The following TP63 variants were observed in gnomAD, a reference collection of about 807,000 sequenced individuals.
TP63 encodes tumor protein 63.
Under a neutral mutation model 82.8 loss-of-function variants are expected in TP63, and 17 were observed. The ratio of observed to expected loss-of-function variants is 0.21; its 90% CI spans 0.14 to 0.31. The LOEUF (loss-of-function observed/expected upper bound fraction) is 0.31. Ranked by LOEUF, TP63 falls within the 10% of genes least tolerant of loss-of-function variation. The probability of loss-of-function intolerance (pLI) is 1.00; values close to 1 mark genes in which losing one functional copy is unlikely to be tolerated. For missense variants in TP63, 648 were observed against 895.3 expected (o/e 0.72, Z 3.52); for synonymous variants, 330 against 321.7 (o/e 1.03, Z -0.28).
intron 2 of TP63, 139 bp downstream of exon 2, chr3:189,738,007 C>A: frequency 9.8e-7 from 1 of 1,018,250 alleles, no homozygotes. Flanking sequence ...CCAATGCCAT[C>A]TCTTTGTTCA....
At chr3:189,607,844 A>T in the TP63 span, among the ~76,000 whole-genome samples, 1 of 152,160 alleles carries the variant, frequency 6.6e-6, no homozygotes, top group Non-Finnish European at 1.5e-5. Flanking sequence ...TGAGCACAAA[A>T]TATTTTTGAA....
chr3:189,603,515 A>G, the TP63 span, among the ~76,000 whole-genome samples: 25 of 151,938 alleles, frequency 1.6e-4, no homozygotes, highest in African/African-American at 5.8e-4. Flanking sequence ...ATTTTGTTTT[A>G]TCACAGGAGT....
At chr3:189,732,773 G>A (rs1577320257) in intron 1 of TP63, among the ~76,000 whole-genome samples, 1 of 151,876 alleles carries the variant, frequency 6.6e-6, no homozygotes, top group African/African-American at 2.4e-5. Flanking sequence ...TATCCTCAAG[G>A]AGCTGTAAAA....
At chr3:189,753,780 T>G (rs1430720808) in intron 3 of TP63, among the ~76,000 whole-genome samples, 1 of 152,130 alleles carries the variant, frequency 6.6e-6, no homozygotes, top group African/African-American at 2.4e-5. Flanking sequence ...TTAACCTATT[T>G]TTAGTATTCA....
chr3:189,691,822 T>C (rs993542252), intron 1 of TP63, among the ~76,000 whole-genome samples: 2 of 152,106 alleles, frequency 1.3e-5, no homozygotes, highest in African/African-American at 2.4e-5. Flanking sequence ...TTATTTACTA[T>C]AGAAATAGGC....
chr3:189,618,847 A>G, the TP63 span, among the ~76,000 whole-genome samples: 3,573 of 152,140 alleles, frequency 0.023, 147 homozygotes, highest in African/African-American at 0.082. Context: ...TTTATTTCTT[A>G]TCTACCGTCT....
intron 6 of TP63, 93 bp downstream of exon 6, chr3:189,866,890 C>A: frequency 1.0e-6 from 1 of 994,190 alleles, no homozygotes; most frequent in Non-Finnish European, 1.6e-6. Flanking sequence ...ATGTTTCTAG[C>A]ATCTATCACT....
chr3:189,678,561 A>G (rs1715644065), intron 1 of TP63, among the ~76,000 whole-genome samples: 1 of 152,068 alleles, frequency 6.6e-6, no homozygotes, highest in Admixed American at 6.6e-5. Flanking sequence ...TGCTTTGGCT[A>G]TATAGGCTCT....
intron 1 of TP63, among the ~76,000 whole-genome samples, chr3:189,726,530 A>G (rs564464510): frequency 6.6e-6 from 1 of 152,212 alleles, no homozygotes; most frequent in Non-Finnish European, 1.5e-5. Flanking sequence ...ATTGAATCAT[A>G]TCTTTGTGAT....
the TP63 span, among the ~76,000 whole-genome samples, chr3:189,622,111 C>T: frequency 2.0e-5 from 3 of 152,198 alleles, no homozygotes; most frequent in Admixed American, 6.5e-5. Flanking sequence ...TTAAACGGTG[C>T]GCACGCCCCA....
intron 1 of TP63, among the ~76,000 whole-genome samples, chr3:189,656,079 T>C (rs1920250): frequency 0.44 from 66,843 of 151,952 alleles, 16,087 homozygotes; most frequent in Middle Eastern, 0.69. Context: ...TAATTGAGAA[T>C]AAACAAACAT....
chr3:189,608,290 G>A, the TP63 span, among the ~76,000 whole-genome samples: 5 of 152,096 alleles, frequency 3.3e-5, no homozygotes, highest in Non-Finnish European at 1.5e-5. Flanking sequence ...TAAGGAATTA[G>A]AGCATTGGAT....
chr3:189,879,002 G>GA (rs1314348316), intron 10 of TP63, among the ~76,000 whole-genome samples: 1 of 152,006 alleles, frequency 6.6e-6, no homozygotes, highest in Non-Finnish European at 1.5e-5. Context: ...TGGTAATGAA[G>GA]AAAAAACTCA....
At chr3:189,890,518 C>T (rs770176776) in intron 12 of TP63, among the ~76,000 whole-genome samples, 7 of 152,182 alleles carry the variant, frequency 4.6e-5, no homozygotes, top group African/African-American at 1.7e-4. Context: ...GACACTTACA[C>T]AGAACCCTAG....
chr3:189,647,184 C>T (rs1253487364), intron 1 of TP63, among the ~76,000 whole-genome samples: 1 of 146,548 alleles, frequency 6.8e-6, no homozygotes, highest in Non-Finnish European at 1.5e-5. Flanking sequence ...GTTTTTAATA[C>T]CCGGTAAGGA....
At chr3:189,643,455 TAAAA>T (rs71635306) in intron 1 of TP63, among the ~76,000 whole-genome samples, 3 of 122,974 alleles carry the variant, frequency 2.4e-5, no homozygotes, top group Admixed American at 9.5e-5. Context: ...TTAAACTGAT[TAAAA>T]AAAAAAAACC....
intron 1 of TP63, among the ~76,000 whole-genome samples, chr3:189,698,587 C>A (rs1253255980): frequency 6.6e-6 from 1 of 152,136 alleles, no homozygotes; most frequent in East Asian, 1.9e-4. Flanking sequence ...TACTCCTTTA[C>A]ATTGCCTATC....
chr3:189,812,238 C>A (rs771772800), intron 4 of TP63, among the ~76,000 whole-genome samples: 1 of 151,994 alleles, frequency 6.6e-6, no homozygotes. Context: ...TTTTCCTTTG[C>A]GTTTCTGTGT....
intron 6 of TP63, among the ~76,000 whole-genome samples, chr3:189,867,569 A>C (rs1363475890): frequency 6.6e-6 from 1 of 152,230 alleles, no homozygotes; most frequent in Non-Finnish European, 1.5e-5. Context: ...GATGTGGATC[A>C]GCTTACAAAC....
Sources: allele counts gnomAD v4.1 joint callset (sites outside exome capture counted in the v4.1 genomes callset), GRCh38; gene constraint gnomAD v4.1.1; transcripts MANE v1.5; gene names NCBI Gene and HGNC (gene_info 2026-07-23, HGNC 2026-07-21).